Variants in PREX2 observed in about 807,000 individuals in gnomAD.
The protein encoded by PREX2 is phosphatidylinositol-3,4,5-trisphosphate dependent Rac exchange factor 2, also known as phosphatidylinositol 3,4,5-trisphosphate-dependent Rac exchanger 2 protein.
Under a neutral mutation model 203.2 loss-of-function variants are expected in PREX2, and 107 were observed. The ratio of observed to expected loss-of-function variants is 0.53; its 90% CI spans 0.45 to 0.62. PREX2 has a LOEUF of 0.62. Ranked by LOEUF, PREX2 falls within the 20% of genes least tolerant of loss-of-function variation. The pLI, the probability that PREX2 is intolerant of heterozygous loss-of-function variation, is 0.00. For synonymous variants in PREX2, 672 were observed against 663.6 expected, an observed-to-expected ratio of 1.01 and a Z score of -0.19; for missense variants, 1,777 against 1,955.9, an observed-to-expected ratio of 0.91 and a Z score of 1.72.
chr8:68,051,748 T>A (rs1330303936), intron 8 of PREX2, among the ~76,000 whole-genome samples: 4 of 152,204 alleles, frequency 2.6e-5, no homozygotes, highest in Non-Finnish European at 5.9e-5. Context: ...AAAATCTTTT[T>A]AAAAATTGCT....
At chr8:68,011,435 A>T (rs945416088) in intron 1 of PREX2, among the ~76,000 whole-genome samples, 4 of 152,046 alleles carry the variant, frequency 2.6e-5, no homozygotes, top group Non-Finnish European at 5.9e-5. Context: ...TTGTATTTAA[A>T]AAAAAACAAC....
intron 1 of PREX2, among the ~76,000 whole-genome samples, chr8:68,003,473 G>GC (rs780144530): frequency 2.0e-5 from 3 of 152,172 alleles, no homozygotes; most frequent in Non-Finnish European, 4.4e-5. Context: ...GAAGACTTTA[G>GC]CTGGGCCCTG....
chr8:68,018,602 C>T (rs1173631279), intron 2 of PREX2, among the ~76,000 whole-genome samples: 1 of 152,048 alleles, frequency 6.6e-6, no homozygotes, highest in Non-Finnish European at 1.5e-5. Flanking sequence ...ACGTGACTTC[C>T]AGTCTCTGTG....
chr8:68,105,835 A>C (rs528755180), intron 23 of PREX2: 1 of 151,852 alleles, frequency 6.6e-6, no homozygotes, highest in South Asian at 2.1e-4. Context: ...AGATAGATGC[A>C]CCTATTGGTG....
intron 21 of PREX2, among the ~76,000 whole-genome samples, chr8:68,095,494 G>C (rs531602188): frequency 6.8e-4 from 103 of 150,488 alleles, no homozygotes; most frequent in African/African-American, 2.4e-3. Context: ...TTCAGGAACG[G>C]GGCCAAATAC....
At chr8:68,154,306 A>G (rs1196041070) in intron 34 of PREX2, among the ~76,000 whole-genome samples, 1 of 152,262 alleles carries the variant, frequency 6.6e-6, no homozygotes, top group East Asian at 1.9e-4. Flanking sequence ...TCAATAAGTA[A>G]GAATACTCAT....
At chr8:67,983,547 A>T (rs1806330357) in intron 1 of PREX2, among the ~76,000 whole-genome samples, 1 of 152,162 alleles carries the variant, frequency 6.6e-6, no homozygotes, top group Admixed American at 6.5e-5. Context: ...TAGTTCAGTC[A>T]CCCACAATGG....
At chr8:67,965,497 GTA>G (rs35804141) in intron 1 of PREX2, among the ~76,000 whole-genome samples, 1 of 150,514 alleles carries the variant, frequency 6.6e-6, no homozygotes, top group Non-Finnish European at 1.5e-5. Context: ...GAGTGTATAT[GTA>G]TATATATATG....
intron 1 of PREX2, among the ~76,000 whole-genome samples, chr8:67,973,253 T>C (rs765060282): frequency 2.6e-5 from 4 of 152,326 alleles, no homozygotes; most frequent in Admixed American, 6.5e-5. Context: ...TTTCATCTTT[T>C]TATTTCATTT....
intron 1 of PREX2, among the ~76,000 whole-genome samples, chr8:68,016,735 G>T (rs979057785): frequency 2.4e-4 from 36 of 152,068 alleles, no homozygotes; most frequent in African/African-American, 8.5e-4. Context: ...TCCCACCTCA[G>T]CCTCTTAAGT....
chr8:67,998,600 C>G (rs986609353), intron 1 of PREX2, among the ~76,000 whole-genome samples: 20 of 152,166 alleles, frequency 1.3e-4, no homozygotes, highest in South Asian at 8.3e-4. Flanking sequence ...GACAGTGTCT[C>G]TAGAAAAAAA....
Position 68,092,746 on chromosome 8 carries a change from G to A in PREX2, c.2251-859G>A, listed in dbSNP as rs940138150. 2.6e-5 allele frequency among the ~76,000 whole-genome samples: 4 copies of A among 152,234 alleles called. No individual in the cohort carries two copies. In the East Asian group the frequency reaches 5.8e-4, roughly 22 times the overall value. ...ATTAGAATATATCTGACTATTAGGG[G>A]AACATGTAAATGATTTGTACAATTA... is the stretch of plus-strand genomic sequence containing the variant. On this transcript the variant is annotated intron_variant, in intron 20 of 39. Transcript: ENST00000288368.
chr8:68,030,990 G>A (rs1200911953), intron 6 of PREX2, among the ~76,000 whole-genome samples: 1 of 152,110 alleles, frequency 6.6e-6, no homozygotes, highest in Non-Finnish European at 1.5e-5. Flanking sequence ...AATCCTGGGA[G>A]AGTGAAGAAG....
At chr8:68,154,707 A>G (rs1449840591) in intron 34 of PREX2, among the ~76,000 whole-genome samples, 1 of 152,240 alleles carries the variant, frequency 6.6e-6, no homozygotes, top group African/African-American at 2.4e-5. Flanking sequence ...TAAGAGAGAA[A>G]GCCTGTCCTT....
intron 6 of PREX2, among the ~76,000 whole-genome samples, chr8:68,037,151 A>G (rs557566109): frequency 3.6e-4 from 55 of 152,308 alleles, no homozygotes; most frequent in African/African-American, 1.3e-3. Flanking sequence ...TTTAAAATTA[A>G]TGTTCTAAAT....
At chr8:68,073,505 A>G (rs963237650) in intron 14 of PREX2, among the ~76,000 whole-genome samples, 1 of 152,164 alleles carries the variant, frequency 6.6e-6, no homozygotes, top group African/African-American at 2.4e-5. Context: ...TCATCTGTAC[A>G]CACATATTTT....
intron 35 of PREX2, among the ~76,000 whole-genome samples, chr8:68,161,404 A>G (rs1811651486): frequency 6.6e-6 from 1 of 152,072 alleles, no homozygotes; most frequent in Admixed American, 6.6e-5. Context: ...AAAATTTTCT[A>G]TTAGAGAGCA....
At chr8:68,068,455 T>C (rs1447904226) in intron 11 of PREX2, among the ~76,000 whole-genome samples, 1 of 152,118 alleles carries the variant, frequency 6.6e-6, no homozygotes, top group Non-Finnish European at 1.5e-5. Flanking sequence ...ACAGTTACAA[T>C]TTTGGCATCA....
Position 68,232,562 on chromosome 8 carries a change from C to T in PREX2, c.*1184C>T, listed in dbSNP as rs1236409625. 6.6e-6 allele frequency: 1 copy of T among 152,124 alleles called. No homozygotes were observed. The highest frequency in any genetic ancestry group is 2.4e-5 in the African/African-American group (1 of 41,424). The allele number at this position is 152,124 out of a possible 1,614,324, so 9.4% of individuals were successfully genotyped here. On this transcript the variant is annotated 3_prime_UTR_variant, in exon 40 of 40. Transcript: ENST00000288368. Reference sequence around the variant, plus strand: ...TGATTGTGATAATTATATGGGTTTACACTAATTTAGTATGTGAAATGCTTT... The same window carrying T: ...TGATTGTGATAATTATATGGGTTTATACTAATTTAGTATGTGAAATGCTTT...
Sources: allele counts gnomAD v4.1 joint callset (sites outside exome capture counted in the v4.1 genomes callset), GRCh38; gene constraint gnomAD v4.1.1; transcripts MANE v1.5; gene names NCBI Gene and HGNC (gene_info 2026-07-23, HGNC 2026-07-21).